ZFHX3: variants seen among roughly 807,000 people sequenced by gnomAD.
ZFHX3 encodes zinc finger homeobox protein 3.
A neutral mutation model predicts 279.1 loss-of-function variants in ZFHX3; 42 were observed. That is an observed-to-expected ratio of 0.15 (90% CI 0.12 to 0.19). ZFHX3 has a LOEUF of 0.19. ZFHX3 is among the 10% of genes least tolerant of loss of function. The probability of loss-of-function intolerance (pLI) is 1.00; values close to 1 mark genes in which losing one functional copy is unlikely to be tolerated. For missense variants in ZFHX3, 4,981 were observed against 4,754.0 expected, an observed-to-expected ratio of 1.05 and a Z score of -1.40; for synonymous variants, 2,293 against 1,957.8, an observed-to-expected ratio of 1.17 and a Z score of -4.52.
chr16:73,349,968 G>A (rs1415839323), intron 3 of ZFHX3, among the ~76,000 whole-genome samples: 1 of 147,290 alleles, frequency 6.8e-6, no homozygotes, highest in African/African-American at 2.5e-5. Context: ...TGAGAACTCA[G>A]GCCTGATACC....
At chr16:73,016,771 C>T (rs547051425) in intron 1 of ZFHX3, among the ~76,000 whole-genome samples, 70 of 152,146 alleles carry the variant, frequency 4.6e-4, no homozygotes, top group Non-Finnish European at 6.3e-4. Context: ...GTTCTCTGTG[C>T]CTCTCATGAT....
chr16:73,026,869 T>C (rs1964530703), intron 1 of ZFHX3, among the ~76,000 whole-genome samples: 1 of 152,204 alleles, frequency 6.6e-6, no homozygotes, highest in South Asian at 2.1e-4. Flanking sequence ...CTAACGTGAC[T>C]TACCCAAGGT....
rs1273492220 is a variant in ZFHX3 at position 72,788,582 on chromosome 16, G to C, written c.9694C>G (p.Arg3232Gly). 3 of 1,613,936 alleles carry C rather than the reference G, an allele frequency of 1.9e-6. No individual in the cohort carries two copies. Among genetic ancestry groups the C allele is most frequent in the South Asian group, 2.2e-5 (2 of 91,048 alleles). ...ACTTTCTCACTGTCTTTGTCCTTGCGTTGCTGCTGCTGTTGCAGTGGGAGC... is the reference window on the plus strand; with the variant it reads ...ACTTTCTCACTGTCTTTGTCCTTGCCTTGCTGCTGCTGTTGCAGTGGGAGC... ...PQLPLQQQQQRKDKDSEKVKE... is the reference protein window; with the variant it reads ...PQLPLQQQQQGKDKDSEKVKE... The change falls in exon 10 of 10, where the codon CGC (arginine) becomes GGC (glycine). Residue 3232 changes from arginine (R) to glycine (G), a missense_variant. Physicochemically the swap from Arg to Gly is moderately radical, Grantham distance 125. Around this residue, in one of 7 missense-constraint regions of ZFHX3, gnomAD observed 1,034 missense variants for 786.0 expected, o/e 1.32. Coordinates refer to ENST00000268489, the MANE Select transcript of ZFHX3 (RefSeq NM_006885.4).
At position 72,918,637 on chromosome 16, in the gene ZFHX3, T is replaced by C. The variant is rs370878168; in HGVS notation, c.3217-28675A>G. Among the ~76,000 whole-genome samples, 8 of 152,128 alleles carry C rather than the reference T, an allele frequency of 5.3e-5. No individual in the cohort carries two copies. In the South Asian group the frequency reaches 1.7e-3, roughly 32 times the overall value. Reference sequence around the variant, plus strand: ...TAATTAAAGGTGGCCCTGGACTCCTTTGTATAAAGAAATGGAAATGTTCAG... The same window carrying C: ...TAATTAAAGGTGGCCCTGGACTCCTCTGTATAAAGAAATGGAAATGTTCAG... On this transcript the variant is annotated intron_variant, in intron 3 of 9. Coordinates refer to ENST00000268489, the MANE Select transcript of ZFHX3 (RefSeq NM_006885.4).
intron 3 of ZFHX3, among the ~76,000 whole-genome samples, chr16:73,374,245 A>G (rs907779848): frequency 4.6e-5 from 7 of 152,236 alleles, no homozygotes; most frequent in African/African-American, 1.2e-4. Context: ...ATAATTGTAT[A>G]GTATATGAAA....
chr16:73,319,923 T>A (rs774504427), intron 3 of ZFHX3, among the ~76,000 whole-genome samples: 1 of 152,204 alleles, frequency 6.6e-6, no homozygotes, highest in African/African-American at 2.4e-5. Context: ...TTTGTTCACA[T>A]GGCAACATAC....
chr16:73,039,736 C>G (rs918629959), intron 1 of ZFHX3, among the ~76,000 whole-genome samples: 2 of 152,032 alleles, frequency 1.3e-5, no homozygotes, highest in Admixed American at 6.5e-5. Flanking sequence ...AGTTTCACCA[C>G]GTTGCCCAAG....
chr16:73,594,657 T>C (rs2052030394), intron 2 of ZFHX3, among the ~76,000 whole-genome samples: 1 of 152,164 alleles, frequency 6.6e-6, no homozygotes. Context: ...CAGAGTGACA[T>C]TGCAGAATCA....
intron 1 of ZFHX3, among the ~76,000 whole-genome samples, chr16:73,740,622 A>T (rs1037849841): frequency 4.6e-5 from 7 of 152,232 alleles, no homozygotes; most frequent in Non-Finnish European, 1.5e-5. Context: ...ATGCCCTACA[A>T]AAAAGCAAAA....
intron 1 of ZFHX3, among the ~76,000 whole-genome samples, chr16:73,881,070 C>T (rs1338724751): frequency 1.3e-5 from 2 of 152,136 alleles, no homozygotes; most frequent in African/African-American, 2.4e-5. Context: ...CCTGGTAGCA[C>T]CTTCTATAAG....
chr16:73,193,779 C>T lies in ZFHX3; in HGVS notation c.-1103-49948G>A, dbSNP rs191344550. Among the ~76,000 whole-genome samples, 474 of 152,282 alleles carry T rather than the reference C, an allele frequency of 3.1e-3. 3 individuals carry two copies. Among genetic ancestry groups the T allele is most frequent in the African/African-American group, 0.011 (462 of 41,550 alleles). ...TTTCCCTCCTATGTCCTTGGGAAGC[C>T]GCCTGCCTCTCTGTGTTTCAGCATC... On this transcript the variant is annotated intron_variant, in intron 5 of 17. Transcript: ENST00000641206.
At chr16:73,094,252 C>G (rs548832239) in intron 7 of ZFHX3, among the ~76,000 whole-genome samples, 65 of 152,274 alleles carry the variant, frequency 4.3e-4, no homozygotes, top group Non-Finnish European at 4.0e-4. Context: ...TGGAAGTTCA[C>G]CCAATTAATT....
chr16:73,458,306 TTCCCTCCCTTCC>T (rs1203650213), intron 2 of ZFHX3, among the ~76,000 whole-genome samples: 2 of 141,724 alleles, frequency 1.4e-5, no homozygotes, highest in Middle Eastern at 3.2e-3. Context: ...CTTTCCTTCT[TTCCCTCCCTTCC>T]TCCCTCACTT....
At chr16:73,784,054 C>G (rs756519215) in intron 1 of ZFHX3, among the ~76,000 whole-genome samples, 7 of 151,914 alleles carry the variant, frequency 4.6e-5, no homozygotes, top group Non-Finnish European at 2.9e-5. Context: ...AGCACAGCCT[C>G]ACTGAGAAAA....
intron 1 of ZFHX3, among the ~76,000 whole-genome samples, chr16:73,700,675 C>G (rs1393827327): frequency 6.6e-6 from 1 of 152,062 alleles, no homozygotes; most frequent in Non-Finnish European, 1.5e-5. Flanking sequence ...AAAACACATG[C>G]CATTAAAAGT....
At chr16:73,665,130 A>G (rs897836243) in intron 2 of ZFHX3, among the ~76,000 whole-genome samples, 2 of 152,100 alleles carry the variant, frequency 1.3e-5, no homozygotes, top group African/African-American at 2.4e-5. Flanking sequence ...GTAATTAAAT[A>G]TAGTGTGACA....
chr16:72,854,891 A>G (rs1597313649), intron 4 of ZFHX3, among the ~76,000 whole-genome samples: 1 of 145,624 alleles, frequency 6.9e-6, no homozygotes, highest in East Asian at 2.2e-4. Flanking sequence ...ATGGAAAGAA[A>G]AAAAAAATCA....
chr16:73,750,511 C>T (rs2053752291), intron 1 of ZFHX3, among the ~76,000 whole-genome samples: 1 of 151,796 alleles, frequency 6.6e-6, no homozygotes, highest in Non-Finnish European at 1.5e-5. Flanking sequence ...TCAAAAATAA[C>T]ACAATGAGGC....
chr16:73,887,103 G>T (rs2030371743), intron 1 of ZFHX3, among the ~76,000 whole-genome samples: 1 of 152,120 alleles, frequency 6.6e-6, no homozygotes, highest in Admixed American at 6.5e-5. Context: ...TCAAAAAATT[G>T]GGATTGGGCG....
Sources: gnomAD v4.1 joint callset for allele counts (sites outside exome capture counted in the v4.1 genomes callset) on GRCh38, gnomAD v4.1.1 for gene constraint, gnomAD v4.1.1 regional missense constraint, MANE v1.5 for transcripts, NCBI Gene and HGNC (gene_info 2026-07-23, HGNC 2026-07-21) for gene names.